The following GARNL3 variants were observed in gnomAD, a reference collection of about 807,000 sequenced individuals.
The protein encoded by GARNL3 is GTPase-activating Rap/Ran-GAP domain-like protein 3.
Under a neutral mutation model 125.0 loss-of-function variants are expected in GARNL3, and 63 were observed. The observed-to-expected ratio is 0.50, with a 90% CI of 0.41 to 0.62. GARNL3 has a LOEUF of 0.62. Among genes scored for constraint, GARNL3 ranks in the 20% least tolerant of loss-of-function variants. GARNL3 has a pLI of 0.00. For missense variants in GARNL3, 994 were observed against 1,244.0 expected, an observed-to-expected ratio of 0.80 and a Z score of 3.02; for synonymous variants, 439 against 457.5, an observed-to-expected ratio of 0.96 and a Z score of 0.52.
chr9:127,271,111 A>G (rs1472868848), intron 1 of GARNL3, among the ~76,000 whole-genome samples: 1 of 150,334 alleles, frequency 6.7e-6, no homozygotes, highest in Non-Finnish European at 1.5e-5. Context: ...AAAGAAGGGC[A>G]TGAGCTGAGC....
upstream of GARNL3, among the ~76,000 whole-genome samples, chr9:127,262,465 G>A (rs2063613374): frequency 6.6e-6 from 1 of 152,210 alleles, no homozygotes; most frequent in African/African-American, 2.4e-5. Flanking sequence ...GGATGTGCTG[G>A]AAGTGATGCA....
chr9:127,256,518 CT>C (rs929948877), intron 2 of GARNL3, among the ~76,000 whole-genome samples: 1 of 152,180 alleles, frequency 6.6e-6, no homozygotes, highest in Non-Finnish European at 1.5e-5. Context: ...TACTTTGTGT[CT>C]TTCTTTCCCA....
At chr9:127,235,493 A>C (rs933445947) in intron 1 of GARNL3, among the ~76,000 whole-genome samples, 2 of 152,138 alleles carry the variant, frequency 1.3e-5, no homozygotes, top group Admixed American at 1.3e-4. Flanking sequence ...CTGAAAGGTA[A>C]CCTGTGATTT....
chr9:127,372,419 G>A (rs540361993), intron 22 of GARNL3, among the ~76,000 whole-genome samples: 54 of 152,276 alleles, frequency 3.5e-4, no homozygotes, highest in African/African-American at 1.3e-3. Flanking sequence ...AGTCTACTAT[G>A]TATTCTTAAT....
At chr9:127,289,741 T>G (rs998162920) in intron 1 of GARNL3, among the ~76,000 whole-genome samples, 1 of 152,126 alleles carries the variant, frequency 6.6e-6, no homozygotes, top group African/African-American at 2.4e-5. Flanking sequence ...GTCTTAGAGA[T>G]CACCTCCCAG....
chr9:127,235,252 A>AT (rs2063090779), intron 1 of GARNL3, among the ~76,000 whole-genome samples: 1 of 151,556 alleles, frequency 6.6e-6, no homozygotes, highest in Non-Finnish European at 1.5e-5. Flanking sequence ...GGCTAGCCAC[A>AT]TTTTAAGTGC....
At chr9:127,383,585 G>A (rs1274689391) in intron 23 of GARNL3, 40 bp downstream of exon 23, 1 of 1,356,474 alleles carries the variant, frequency 7.4e-7, no homozygotes, top group Non-Finnish European at 1.0e-6. Context: ...CTCCTTCATG[G>A]ATATGTCTGA....
At position 127,242,925 on chromosome 9, in the gene GARNL3, C is replaced by A. The variant is rs1266795713; in HGVS notation, c.-28-154C>A. Among the ~76,000 whole-genome samples the A allele has an allele frequency of 1.3e-5, 2 of 152,152 alleles. No homozygotes were observed. Among genetic ancestry groups the A allele is most frequent in the Non-Finnish European group, 2.9e-5 (2 of 68,018 alleles). ...TTGATGCAGTAAGGTCATATGCGGTCTTGGTGGGGCCCCTGGGTCTTGAGG... is the reference window on the plus strand; with the variant it reads ...TTGATGCAGTAAGGTCATATGCGGTATTGGTGGGGCCCCTGGGTCTTGAGG... On this transcript the variant is annotated intron_variant, in intron 1 of 10. Transcript: ENST00000439286. This position sits in a 1 kb window ranked among gnomAD's most constrained non-coding sequence, Gnocchi z 4.6.
chr9:127,335,995 A>G, intron 10 of GARNL3, 133 bp from the exon 11 acceptor site: 2 of 647,302 alleles, frequency 3.1e-6, no homozygotes, highest in East Asian at 5.9e-5. Flanking sequence ...GGAAGCCTGA[A>G]GTCAAAGATG....
chr9:127,248,604 T>C (rs1488057487), intron 2 of GARNL3, among the ~76,000 whole-genome samples: 2 of 130,486 alleles, frequency 1.5e-5, no homozygotes, highest in Non-Finnish European at 3.3e-5. Flanking sequence ...TTCTTTTTTT[T>C]TTTTTTTTTT....
chr9:127,270,677 C>T (rs2063803181), intron 1 of GARNL3, among the ~76,000 whole-genome samples: 1 of 152,212 alleles, frequency 6.6e-6, no homozygotes, highest in Non-Finnish European at 1.5e-5. Context: ...AACTCAACAT[C>T]CTATTTGTTT....
At chr9:127,340,929 A>T (rs774246771) in intron 13 of GARNL3, among the ~76,000 whole-genome samples, 9 of 152,126 alleles carry the variant, frequency 5.9e-5, no homozygotes, top group Non-Finnish European at 1.3e-4. Flanking sequence ...CACCAGAAAC[A>T]TCCAAGTCCT....
intron 2 of GARNL3, among the ~76,000 whole-genome samples, chr9:127,298,961 A>G (rs2064693329): frequency 6.6e-6 from 1 of 152,238 alleles, no homozygotes; most frequent in South Asian, 2.1e-4. Flanking sequence ...TCTGTAAAAT[A>G]GTCAACAGAA....
intron 2 of GARNL3, among the ~76,000 whole-genome samples, chr9:127,255,725 G>A (rs2063484620): frequency 6.6e-6 from 1 of 152,208 alleles, no homozygotes; most frequent in Admixed American, 6.5e-5. Flanking sequence ...AGATTTCAAT[G>A]TGCATATGAA....
chr9:127,260,463 A>G (rs2063567077), upstream of GARNL3, among the ~76,000 whole-genome samples: 1 of 152,224 alleles, frequency 6.6e-6, no homozygotes, highest in African/African-American at 2.4e-5. Context: ...ATGGTGTCAG[A>G]ATTTTCTTCA....
At chr9:127,238,950 T>A (rs537829895) in intron 1 of GARNL3, among the ~76,000 whole-genome samples, 1 of 152,298 alleles carries the variant, frequency 6.6e-6, no homozygotes, top group South Asian at 2.1e-4. Flanking sequence ...GGATCTTCTC[T>A]TTTAGAACCT....
chr9:127,329,824 T>C (rs538690970), intron 7 of GARNL3, among the ~76,000 whole-genome samples: 1 of 152,276 alleles, frequency 6.6e-6, no homozygotes, highest in African/African-American at 2.4e-5. Flanking sequence ...AGCTTCCCTG[T>C]CCTGTCTTAA....
At chr9:127,301,925 C>CT (rs754780368) in intron 2 of GARNL3, among the ~76,000 whole-genome samples, 527 of 45,446 alleles carry the variant, frequency 0.012, 77 homozygotes, top group East Asian at 0.032. Context: ...ATTGGGAGGA[C>CT]TTTTTTTTTT....
chr9:127,263,191 ATG>A (rs960015860), upstream of GARNL3, among the ~76,000 whole-genome samples: 10 of 152,104 alleles, frequency 6.6e-5, no homozygotes, highest in African/African-American at 2.4e-4. Flanking sequence ...ATATAGGGTT[ATG>A]TGTTTGTGTC....
Sources: allele counts gnomAD v4.1 joint callset (sites outside exome capture counted in the v4.1 genomes callset), GRCh38; gene constraint gnomAD v4.1.1; non-coding constraint Gnocchi (gnomAD v3.1); transcripts MANE v1.5; gene names NCBI Gene and HGNC (gene_info 2026-07-23, HGNC 2026-07-21).